The following PITPNB variants were observed in gnomAD, a reference collection of about 807,000 sequenced individuals.
PITPNB encodes phosphatidylinositol transfer protein beta, also known as phosphatidylinositol transfer protein beta isoform.
PITPNB carries 16 observed loss-of-function variants against 45.9 expected under a neutral mutation model. The ratio of observed to expected loss-of-function variants is 0.35; its 90% confidence interval spans 0.24 to 0.53. The LOEUF is 0.53. Ranked by LOEUF, PITPNB falls within the 20% of genes least tolerant of loss-of-function variation. The pLI is 0.93. For missense variants in PITPNB, 188 were observed against 330.5 expected (o/e 0.57, Z 3.34); for synonymous variants, 112 against 108.9 (o/e 1.03, Z -0.18).
chr22:27,882,463 C>T (rs1935000962), intron 7 of PITPNB, among the ~76,000 whole-genome samples: 1 of 152,178 alleles, frequency 6.6e-6, no homozygotes. Flanking sequence ...GTTCTTACTA[C>T]CAAGACATAC....
intron 7 of PITPNB, among the ~76,000 whole-genome samples, chr22:27,874,988 A>AAACAAC (rs535157632): frequency 6.6e-6 from 1 of 152,178 alleles, no homozygotes; most frequent in African/African-American, 2.4e-5. Context: ...TCCACAAATC[A>AAACAAC]AACAACAACA....
At chr22:27,915,364 T>C (rs1441982081) in intron 1 of PITPNB, among the ~76,000 whole-genome samples, 4 of 152,198 alleles carry the variant, frequency 2.6e-5, no homozygotes, top group African/African-American at 4.8e-5. Context: ...AGCTTATTGT[T>C]TGTATTAGTG....
chr22:27,860,308 G>C, intron 8 of PITPNB, 67 bp from the exon 9 acceptor site: 1 of 892,882 alleles, frequency 1.1e-6, no homozygotes, highest in Non-Finnish European at 1.8e-6. Context: ...AAAATTGACT[G>C]TTGTATAACG....
At chr22:27,913,815 G>C (rs754838571) in intron 2 of PITPNB, among the ~76,000 whole-genome samples, 5 of 152,176 alleles carry the variant, frequency 3.3e-5, no homozygotes, top group Non-Finnish European at 4.4e-5. Flanking sequence ...GTTGGCTGGA[G>C]GGGAGAGCTG....
intron 7 of PITPNB, among the ~76,000 whole-genome samples, chr22:27,888,211 T>C (rs1430549583): frequency 1.3e-5 from 2 of 152,266 alleles, no homozygotes; most frequent in Non-Finnish European, 2.9e-5. Flanking sequence ...TCCCTTTTAA[T>C]GATTGCACTG....
chr22:27,892,603 C>T (rs1417958634), intron 7 of PITPNB, among the ~76,000 whole-genome samples: 2 of 152,180 alleles, frequency 1.3e-5, no homozygotes. Context: ...CATTAACTAA[C>T]TCACTCATTA....
At position 27,911,260 on chromosome 22, in the gene PITPNB, GAA is replaced by G. The variant is rs1291528011; in HGVS notation, c.52-153_52-152del. On this transcript the variant is annotated intron_variant, in intron 2 of 11. Transcript: ENST00000335272. ...CAATATGAAAACACAACTCAAATTA[GAA>G]ATTAATACGTTTAGGAAGACAAACC... 3 of 547,882 alleles carry G rather than the reference GAA, an allele frequency of 5.5e-6. No individual in the cohort carries two copies. The African/African-American group carries it at 5.6e-5, about 10-fold the overall frequency. 33.9% of individuals were successfully genotyped at this position (547,882 alleles called of 1,614,324 possible).
chr22:27,882,841 C>T (rs1200616892), intron 7 of PITPNB, among the ~76,000 whole-genome samples: 2 of 152,314 alleles, frequency 1.3e-5, no homozygotes, highest in East Asian at 1.9e-4. Context: ...TCAGCATGTC[C>T]GCGATTAAGA....
Position 27,900,488 on chromosome 22 carries a change from T to A in PITPNB, c.198-2596A>T, listed in dbSNP as rs1204346779. The stretch of plus-strand genomic sequence containing the variant: ...TATTTCTAAGATACTTTTCCCACCA[T>A]GTGAATTCCAGCAATTCATTTTATG... On this transcript the variant is annotated intron_variant, in intron 3 of 11. Transcript: ENST00000335272. Among the ~76,000 whole-genome samples the A allele has an allele frequency of 2.0e-5, 3 of 152,200 alleles. No homozygotes were observed. The East Asian group carries it at 5.8e-4, about 29-fold the overall frequency.
intron 7 of PITPNB, among the ~76,000 whole-genome samples, chr22:27,890,125 G>A (rs967872248): frequency 1.4e-4 from 22 of 152,148 alleles, no homozygotes; most frequent in Middle Eastern, 3.4e-3. Flanking sequence ...AGCAGACCCA[G>A]GGTCCCTGCA....
intron 7 of PITPNB, 144 bp from the exon 8 acceptor site, chr22:27,873,959 CTTCT>C (rs1934745100): frequency 1.6e-6 from 1 of 608,180 alleles, no homozygotes; most frequent in Non-Finnish European, 3.0e-6. Context: ...TAGAAAAATG[CTTCT>C]TTAAGACACT....
Position 27,898,642 on chromosome 22 carries a change from G to A in PITPNB, c.198-750C>T, listed in dbSNP as rs571580691. Among the ~76,000 whole-genome samples the A allele has an allele frequency of 7.2e-5, 11 of 152,204 alleles. 1 individual carries two copies. The South Asian group carries it at 2.3e-3, about 32-fold the overall frequency. ...TGAATACATTTTATAGAACAGACCTGAAGAAAAATGACAATGTAAAGGACC... is the reference window on the plus strand; with the variant it reads ...TGAATACATTTTATAGAACAGACCTAAAGAAAAATGACAATGTAAAGGACC... On this transcript the variant is annotated intron_variant, in intron 3 of 11. Transcript: ENST00000335272.
chr22:27,873,965 T>G (rs192376719), intron 7 of PITPNB, 150 bp from the exon 8 acceptor site: 137 of 600,488 alleles, frequency 2.3e-4, no homozygotes, highest in Admixed American at 3.5e-4. Flanking sequence ...AATGCTTCTT[T>G]AAGACACTGT....
At chr22:27,894,485 A>C in intron 7 of PITPNB, 70 bp downstream of exon 7, 1 of 860,230 alleles carries the variant, frequency 1.2e-6, no homozygotes, top group African/African-American at 1.7e-5. Context: ...ACTTAATCCC[A>C]AATGTGATAG....
chr22:27,904,101 G>A (rs2146415213), intron 3 of PITPNB, among the ~76,000 whole-genome samples: 1 of 152,304 alleles, frequency 6.6e-6, no homozygotes, highest in South Asian at 2.1e-4. Context: ...GTGATCATAT[G>A]ACCCAGCCAA....
intron 7 of PITPNB, 158 bp downstream of exon 7, chr22:27,894,397 A>C (rs1306076418): frequency 1.3e-5 from 7 of 545,674 alleles, no homozygotes; most frequent in Non-Finnish European, 2.0e-5. Flanking sequence ...TGCTGCACAG[A>C]CGTACTAGAC....
intron 7 of PITPNB, among the ~76,000 whole-genome samples, chr22:27,877,993 C>G (rs1436000311): frequency 1.3e-5 from 2 of 152,134 alleles, no homozygotes; most frequent in African/African-American, 4.8e-5. Context: ...ACTGGGCAAA[C>G]ATAAAAGCTT....
intron 3 of PITPNB, among the ~76,000 whole-genome samples, chr22:27,908,089 A>T (rs896785161): frequency 6.6e-5 from 10 of 151,804 alleles, no homozygotes; most frequent in Admixed American, 4.6e-4. Context: ...TCTTGCACTA[A>T]CCATATTTAT....
At chr22:27,856,284 C>CT (rs375442648) in intron 10 of PITPNB, among the ~76,000 whole-genome samples, 29 of 152,290 alleles carry the variant, frequency 1.9e-4, no homozygotes, top group Non-Finnish European at 3.4e-4. Flanking sequence ...AGGAATTGGG[C>CT]TTTTACTTGT....
Sources: gnomAD v4.1 joint callset for allele counts (sites outside exome capture counted in the v4.1 genomes callset) on GRCh38, gnomAD v4.1.1 for gene constraint, MANE v1.5 for transcripts, NCBI Gene and HGNC (gene_info 2026-07-23, HGNC 2026-07-21) for gene names.